The following ADAM32 variants were observed in gnomAD, a reference collection of about 807,000 sequenced individuals.
ADAM32 encodes the protein disintegrin and metalloproteinase domain-containing protein 32.
Under a neutral mutation model 114.9 loss-of-function variants are expected in ADAM32, and 89 were observed. That is an observed-to-expected ratio of 0.77 (90% confidence interval 0.65 to 0.92). The LOEUF (loss-of-function observed/expected upper bound fraction) is 0.92. ADAM32 is among the 40% of genes least tolerant of loss of function. The pLI is 0.00. For synonymous variants in ADAM32, 285 were observed against 307.5 expected (o/e 0.93, Z 0.77); for missense variants, 870 against 932.8 (o/e 0.93, Z 0.88).
chr8:39,221,293 T>C (rs150945999), intron 12 of ADAM32: 1 of 200,146 alleles, frequency 5.0e-6, no homozygotes, highest in Non-Finnish European at 1.0e-5. Flanking sequence ...AGTCTATGTG[T>C]CTTCATACAT....
intron 10 of ADAM32, among the ~76,000 whole-genome samples, chr8:39,178,174 T>A (rs1805639081): frequency 6.6e-6 from 1 of 152,228 alleles, no homozygotes; most frequent in Non-Finnish European, 1.5e-5. Flanking sequence ...TTCAGTCTTT[T>A]AATATAATCC....
At chr8:39,278,969 T>C (rs1813260915) in intron 22 of ADAM32, among the ~76,000 whole-genome samples, 1 of 152,240 alleles carries the variant, frequency 6.6e-6, no homozygotes, top group Non-Finnish European at 1.5e-5. Flanking sequence ...GTACTGTCAT[T>C]GATGAGACCT....
intron 3 of ADAM32, among the ~76,000 whole-genome samples, chr8:39,140,999 T>C (rs4412340): frequency 0.43 from 65,114 of 151,972 alleles, 14,158 homozygotes; most frequent in East Asian, 0.59. Context: ...TTTATAGTAT[T>C]CTCTGATGTT....
At chr8:39,221,543 T>G in intron 12 of ADAM32, 67 bp from the exon 13 acceptor site, 1 of 1,240,894 alleles carries the variant, frequency 8.1e-7, no homozygotes, top group Non-Finnish European at 1.2e-6. Context: ...CATCAAAATA[T>G]AACTCCTAGT....
intron 2 of ADAM32, among the ~76,000 whole-genome samples, chr8:39,134,609 C>G (rs765368060): frequency 2.0e-5 from 3 of 152,098 alleles, no homozygotes; most frequent in Non-Finnish European, 4.4e-5. Context: ...GTTGAGGAGG[C>G]AAACACAAAT....
At chr8:39,279,572 A>G (rs6981799) in intron 22 of ADAM32, among the ~76,000 whole-genome samples, 17,694 of 152,124 alleles carry the variant, frequency 0.12, 3,256 homozygotes, top group African/African-American at 0.39. Context: ...GTGAGCCACC[A>G]TGCCCGGACT....
intron 1 of ADAM32, among the ~76,000 whole-genome samples, chr8:39,111,803 T>C (rs1386286185): frequency 6.7e-6 from 1 of 149,458 alleles, no homozygotes; most frequent in African/African-American, 2.5e-5. Context: ...AGTGACTACC[T>C]ACCATGTTTT....
At chr8:39,172,630 T>C (rs539895044) in intron 10 of ADAM32, among the ~76,000 whole-genome samples, 20 of 152,324 alleles carry the variant, frequency 1.3e-4, no homozygotes, top group African/African-American at 4.3e-4. Context: ...GGCTTCCAGT[T>C]CCATCCTTGT....
intron 10 of ADAM32, among the ~76,000 whole-genome samples, chr8:39,174,149 A>C (rs1435108487): frequency 6.6e-6 from 1 of 152,170 alleles, no homozygotes; most frequent in Non-Finnish European, 1.5e-5. Flanking sequence ...ATAAGGTGTA[A>C]GGAAGGAGTC....
At chr8:39,121,862 G>T (rs1840603932) in intron 2 of ADAM32, among the ~76,000 whole-genome samples, 1 of 152,218 alleles carries the variant, frequency 6.6e-6, no homozygotes, top group African/African-American at 2.4e-5. Flanking sequence ...TGCTGTCCAA[G>T]TGGGCCCAGC....
chr8:39,124,128 C>G (rs987231038), intron 2 of ADAM32, among the ~76,000 whole-genome samples: 2 of 151,952 alleles, frequency 1.3e-5, no homozygotes, highest in African/African-American at 4.8e-5. Context: ...ATCCCATCAC[C>G]TAGGTATAAG....
chr8:39,197,966 C>A (rs1807122201), intron 11 of ADAM32, among the ~76,000 whole-genome samples: 1 of 152,052 alleles, frequency 6.6e-6, no homozygotes, highest in African/African-American at 2.4e-5. Flanking sequence ...CTGTTTACTT[C>A]TAATAATATT....
chr8:39,110,837 A>G (rs1588454146), intron 1 of ADAM32, among the ~76,000 whole-genome samples: 1 of 152,200 alleles, frequency 6.6e-6, no homozygotes, highest in Non-Finnish European at 1.5e-5. Flanking sequence ...GATCTTGCTC[A>G]GCAATTTGGG....
chr8:39,211,247 C>A lies in ADAM32; in HGVS notation c.1156C>A (p.Gln386Lys). Residue 386 changes from glutamine (Q) to lysine (K), a missense_variant, in exon 12 of 25, where the codon CAA (glutamine) becomes AAA (lysine). Gln to Lys is a moderately conservative substitution (Grantham distance 53). Transcript: ENST00000379907. ...VKCLQNKPQM[Q>K]KKSPKPVCGN... ...ATGTCTTCAGAATAAGCCACAAATG[C>A]AAAAAAAATCTCCGAAACCAGTCTG... is the stretch of plus-strand genomic sequence containing the variant. 6.2e-7 allele frequency: 1 copy of A among 1,600,524 alleles called. No homozygotes were observed. Among genetic ancestry groups the A allele is most frequent in the Admixed American group, 1.7e-5 (1 of 57,740 alleles).
intron 14 of ADAM32, among the ~76,000 whole-genome samples, chr8:39,225,715 G>A (rs1406895379): frequency 6.6e-6 from 1 of 152,118 alleles, no homozygotes; most frequent in South Asian, 2.1e-4. Flanking sequence ...AGGGTACACT[G>A]CTCTGTCTTC....
chr8:39,141,139 C>T (rs986564127), intron 3 of ADAM32, among the ~76,000 whole-genome samples: 1 of 152,070 alleles, frequency 6.6e-6, no homozygotes, highest in African/African-American at 2.4e-5. Context: ...TTCAAAAAAC[C>T]AGCTCCTGGA....
At position 39,132,013 on chromosome 8, in the gene ADAM32, C is replaced by T. The variant is rs1453653348; in HGVS notation, c.139-4644C>T. 3 of 300,426 alleles carry T rather than the reference C, an allele frequency of 1.0e-5. 1 individual carries two copies. The highest frequency in any genetic ancestry group is 5.0e-5 in the South Asian group (2 of 39,848). The allele number at this position is 300,426 out of a possible 1,614,324, so 18.6% of individuals were successfully genotyped here. On this transcript the variant is annotated intron_variant, in intron 2 of 24. Coordinates refer to ENST00000379907, the MANE Select transcript of ADAM32 (RefSeq NM_145004.7). ...GGTTCAAACGATTTTCCTGCCTCAGCATCCTGAGTAGTTGGGATTACAGGC... is the reference window on the plus strand; with the variant it reads ...GGTTCAAACGATTTTCCTGCCTCAGTATCCTGAGTAGTTGGGATTACAGGC...
At chr8:39,151,144 C>T (rs1803799843) in intron 5 of ADAM32, among the ~76,000 whole-genome samples, 1 of 152,108 alleles carries the variant, frequency 6.6e-6, no homozygotes, top group Non-Finnish European at 1.5e-5. Flanking sequence ...ACTTGTGTAC[C>T]TAGCAATTGA....
chr8:39,164,691 G>A, intron 7 of ADAM32, 73 bp from the exon 8 acceptor site: 1 of 1,181,508 alleles, frequency 8.5e-7, no homozygotes. Flanking sequence ...ACCTCTGACA[G>A]TAGATGGAAA....
Sources: gnomAD v4.1 joint callset for allele counts (sites outside exome capture counted in the v4.1 genomes callset) on GRCh38, gnomAD v4.1.1 for gene constraint, MANE v1.5 for transcripts, NCBI Gene and HGNC (gene_info 2026-07-23, HGNC 2026-07-21) for gene names.